Variants in CACNA2D3 observed in about 807,000 individuals in gnomAD.
CACNA2D3 encodes voltage-dependent calcium channel subunit alpha-2/delta-3.
CACNA2D3 carries 60 observed loss-of-function variants against 160.6 expected under a neutral mutation model. The observed-to-expected ratio is 0.37, with a 90% CI of 0.30 to 0.46. The LOEUF is 0.46. CACNA2D3 is among the 20% of genes least tolerant of loss of function. The pLI, the probability that CACNA2D3 is intolerant of heterozygous loss-of-function variation, is 1.00. For missense variants in CACNA2D3, 1,205 were observed against 1,365.0 expected (o/e 0.88, Z 1.85); for synonymous variants, 558 against 492.9 (o/e 1.13, Z -1.75).
chr3:54,908,520 A>C (rs569552512), intron 27 of CACNA2D3, among the ~76,000 whole-genome samples: 2 of 152,294 alleles, frequency 1.3e-5, no homozygotes, highest in South Asian at 4.1e-4. Flanking sequence ...GTTCAAGACC[A>C]GCCTGGGCAA....
chr3:54,159,516 G>A (rs1313087517), intron 2 of CACNA2D3, among the ~76,000 whole-genome samples: 4 of 152,154 alleles, frequency 2.6e-5, no homozygotes. Flanking sequence ...TCCTGTGGTA[G>A]AAGAGGGGGT....
intron 2 of CACNA2D3, among the ~76,000 whole-genome samples, chr3:54,127,129 C>T (rs954062022): frequency 2.0e-5 from 3 of 152,096 alleles, no homozygotes; most frequent in Non-Finnish European, 4.4e-5. Flanking sequence ...GACCTGCATT[C>T]GGGGAACCAA....
intron 2 of CACNA2D3, among the ~76,000 whole-genome samples, chr3:54,200,693 G>T (rs1479208378): frequency 2.0e-5 from 3 of 152,204 alleles, no homozygotes; most frequent in Non-Finnish European, 4.4e-5. Flanking sequence ...CATTCCTGCT[G>T]TAATTGCCAG....
At chr3:54,965,796 A>T (rs747874033) in intron 27 of CACNA2D3, among the ~76,000 whole-genome samples, 3 of 152,170 alleles carry the variant, frequency 2.0e-5, no homozygotes, top group Non-Finnish European at 4.4e-5. Flanking sequence ...TAGCAGAACA[A>T]TTGCAGCCAG....
At chr3:54,137,133 C>T (rs1289168790) in intron 2 of CACNA2D3, among the ~76,000 whole-genome samples, 3 of 152,208 alleles carry the variant, frequency 2.0e-5, no homozygotes, top group Non-Finnish European at 2.9e-5. Context: ...TTCCCCTGAG[C>T]CAGGTCTGAA....
chr3:54,626,556 C>T, intron 9 of CACNA2D3: 1 of 1,595,624 alleles, frequency 6.3e-7, no homozygotes, highest in Non-Finnish European at 8.6e-7. Flanking sequence ...TCGACCACTA[C>T]CTGGGCGAGT....
chr3:54,193,955 C>T (rs945081272), intron 2 of CACNA2D3, among the ~76,000 whole-genome samples: 1 of 152,102 alleles, frequency 6.6e-6, no homozygotes, highest in Non-Finnish European at 1.5e-5. Context: ...AGTTGGTTCT[C>T]AAACATGGAA....
At chr3:54,458,492 C>T (rs1360785741) in intron 4 of CACNA2D3, among the ~76,000 whole-genome samples, 4 of 150,730 alleles carry the variant, frequency 2.7e-5, no homozygotes, top group South Asian at 2.1e-4. Context: ...AATATATCAT[C>T]GAATTATTTC....
At chr3:55,057,310 A>T (rs897760656) in intron 35 of CACNA2D3, among the ~76,000 whole-genome samples, 1 of 152,206 alleles carries the variant, frequency 6.6e-6, no homozygotes, top group East Asian at 1.9e-4. Context: ...AAACAATCTT[A>T]ATCATTCCAC....
intron 2 of CACNA2D3, among the ~76,000 whole-genome samples, chr3:54,159,641 T>C (rs1700306459): frequency 6.6e-6 from 1 of 152,180 alleles, no homozygotes; most frequent in African/African-American, 2.4e-5. Flanking sequence ...TCCCATGGGC[T>C]TAACACTGGT....
chr3:54,322,162 A>G (rs1334531383), intron 3 of CACNA2D3, among the ~76,000 whole-genome samples: 1 of 152,228 alleles, frequency 6.6e-6, no homozygotes, highest in South Asian at 2.1e-4. Context: ...TCCAGCCAGC[A>G]CCAGAACCTA....
intron 10 of CACNA2D3, among the ~76,000 whole-genome samples, chr3:54,629,855 G>T (rs1226102332): frequency 6.6e-6 from 1 of 152,148 alleles, no homozygotes; most frequent in African/African-American, 2.4e-5. Context: ...CCCTTGTTTG[G>T]AAGTCTTCCC....
intron 11 of CACNA2D3, among the ~76,000 whole-genome samples, chr3:54,701,817 G>A (rs1044794550): frequency 1.3e-5 from 2 of 152,050 alleles, no homozygotes; most frequent in East Asian, 1.9e-4. Context: ...AATAAAGCCC[G>A]AGACATCACA....
intron 2 of CACNA2D3, among the ~76,000 whole-genome samples, chr3:54,250,407 A>G (rs888874181): frequency 8.5e-5 from 13 of 152,162 alleles, no homozygotes; most frequent in African/African-American, 3.1e-4. Context: ...CCCCATAAAT[A>G]TATACAATTT....
chr3:54,579,566 C>T (rs754530372), intron 8 of CACNA2D3, among the ~76,000 whole-genome samples: 4 of 152,182 alleles, frequency 2.6e-5, no homozygotes, highest in Non-Finnish European at 4.4e-5. Flanking sequence ...TATGAAAGGT[C>T]GTGTCCAACA....
intron 11 of CACNA2D3, among the ~76,000 whole-genome samples, chr3:54,689,939 G>GA (rs111817318): frequency 1.3e-5 from 2 of 152,158 alleles, no homozygotes; most frequent in Middle Eastern, 3.4e-3. Flanking sequence ...TAGTTCCTTA[G>GA]AAAAAACCCA....
chr3:54,177,198 C>T (rs1251321494), intron 2 of CACNA2D3, among the ~76,000 whole-genome samples: 5 of 152,220 alleles, frequency 3.3e-5, no homozygotes, highest in Middle Eastern at 3.2e-3. Context: ...GTTCCTTAAG[C>T]ATAAATACCA....
chr3:54,722,976 T>C (rs991635751), intron 11 of CACNA2D3, among the ~76,000 whole-genome samples: 5 of 152,240 alleles, frequency 3.3e-5, no homozygotes, highest in Admixed American at 1.3e-4. Flanking sequence ...CACTAAAGTC[T>C]GCTGAAGCTG....
At chr3:54,560,021 T>A (rs1702300790) in intron 5 of CACNA2D3, among the ~76,000 whole-genome samples, 1 of 152,236 alleles carries the variant, frequency 6.6e-6, no homozygotes, top group South Asian at 2.1e-4. Flanking sequence ...GTCTTTACTG[T>A]TGTGAGTAGT....
Sources: gnomAD v4.1 joint callset for allele counts (sites outside exome capture counted in the v4.1 genomes callset) on GRCh38, gnomAD v4.1.1 for gene constraint, MANE v1.5 for transcripts, NCBI Gene and HGNC (gene_info 2026-07-23, HGNC 2026-07-21) for gene names.